Variants in DTNB observed in about 807,000 individuals in gnomAD.
DTNB encodes DTN-B.
In DTNB, 63 loss-of-function variants were observed where a neutral mutation model predicts 90.7. That is an observed-to-expected ratio of 0.69 (90% confidence interval 0.57 to 0.86). The LOEUF (loss-of-function observed/expected upper bound fraction) is 0.86, where lower values mean the gene tolerates loss of function less well. DTNB is among the 40% of genes least tolerant of loss of function. DTNB has a pLI of 0.00. For synonymous variants in DTNB, 277 were observed against 286.7 expected (o/e 0.97, Z 0.34); for missense variants, 744 against 807.1 (o/e 0.92, Z 0.95).
At chr2:25,584,539 T>TTAAC (rs1171705943) in intron 6 of DTNB, among the ~76,000 whole-genome samples, 4 of 151,936 alleles carry the variant, frequency 2.6e-5, no homozygotes, top group African/African-American at 4.8e-5. Flanking sequence ...AGTGACTTAG[T>TTAAC]TTTCTTTTAT....
intron 6 of DTNB, among the ~76,000 whole-genome samples, chr2:25,593,420 T>C (rs562437677): frequency 3.3e-5 from 5 of 152,358 alleles, no homozygotes; most frequent in East Asian, 3.8e-4. Flanking sequence ...AATTTAACTC[T>C]TGCAGCATGA....
At chr2:25,520,708 G>A (rs567079776) in intron 9 of DTNB, among the ~76,000 whole-genome samples, 10 of 152,204 alleles carry the variant, frequency 6.6e-5, no homozygotes, top group Admixed American at 2.6e-4. Context: ...ATTGTCTAAA[G>A]TTCAAAAAGA....
chr2:25,625,989 G>C (rs1341762760), intron 4 of DTNB, among the ~76,000 whole-genome samples: 1 of 152,102 alleles, frequency 6.6e-6, no homozygotes, highest in African/African-American at 2.4e-5. Context: ...CTAGGAGCCA[G>C]AAAGGAGGCC....
At chr2:25,529,480 A>T (rs997776192) in intron 9 of DTNB, among the ~76,000 whole-genome samples, 3 of 152,114 alleles carry the variant, frequency 2.0e-5, no homozygotes, top group African/African-American at 7.2e-5. Flanking sequence ...CACGACCCAA[A>T]AGGGAAAAAG....
chr2:25,555,448 A>G (rs1366647160), intron 8 of DTNB, among the ~76,000 whole-genome samples: 1 of 152,198 alleles, frequency 6.6e-6, no homozygotes, highest in Non-Finnish European at 1.5e-5. Context: ...CCAGAGGAAG[A>G]CAAATTAAAT....
chr2:25,668,035 C>T (rs770858637), intron 1 of DTNB, among the ~76,000 whole-genome samples: 5 of 152,048 alleles, frequency 3.3e-5, no homozygotes, highest in South Asian at 2.1e-4. Flanking sequence ...GTCAGGAGAT[C>T]GAGACCATCC....
At chr2:25,539,143 C>A (rs1363515249) in intron 8 of DTNB, among the ~76,000 whole-genome samples, 2 of 152,044 alleles carry the variant, frequency 1.3e-5, no homozygotes, top group African/African-American at 4.8e-5. Flanking sequence ...TTTATATATC[C>A]ATTCCACTGC....
intron 11 of DTNB, among the ~76,000 whole-genome samples, chr2:25,454,344 A>T (rs1417003184): frequency 6.6e-6 from 1 of 152,242 alleles, no homozygotes; most frequent in African/African-American, 2.4e-5. Flanking sequence ...TAGGGGAAGT[A>T]GCAGCAAGGT....
chr2:25,588,037 T>C (rs1374162161), intron 6 of DTNB, among the ~76,000 whole-genome samples: 2 of 152,230 alleles, frequency 1.3e-5, no homozygotes, highest in Non-Finnish European at 1.5e-5. Flanking sequence ...CTTTCATCTA[T>C]TCAGGGGAAC....
intron 4 of DTNB, among the ~76,000 whole-genome samples, chr2:25,627,342 G>A (rs1308144697): frequency 6.6e-6 from 1 of 152,022 alleles, no homozygotes; most frequent in Non-Finnish European, 1.5e-5. Flanking sequence ...AACCCGGGGG[G>A]TGGAGGTAGT....
At chr2:25,420,516 A>G (rs747298579) in intron 15 of DTNB, among the ~76,000 whole-genome samples, 11 of 84,010 alleles carry the variant, frequency 1.3e-4, no homozygotes, top group African/African-American at 3.2e-4. Flanking sequence ...CTATCTATCT[A>G]TCTATCTGTC....
At position 25,597,466 on chromosome 2, in the gene DTNB, G is replaced by A. The variant is rs776580933; in HGVS notation, c.449-1226C>T. Among the ~76,000 whole-genome samples, 3 of 151,910 alleles carry A rather than the reference G, an allele frequency of 2.0e-5. 1 individual carries two copies. Among genetic ancestry groups the A allele is most frequent in the South Asian group, 4.2e-4 (2 of 4,808 alleles). Reference sequence around the variant, plus strand: ...GCATTACTTTTTGGATTCAATTTTGGGGAATTTATACTGAAGCATCAGGTC... The same window carrying A: ...GCATTACTTTTTGGATTCAATTTTGAGGAATTTATACTGAAGCATCAGGTC... On this transcript the variant is annotated intron_variant, in intron 5 of 20. Coordinates refer to ENST00000406818, the MANE Select transcript of DTNB (RefSeq NM_021907.5).
At chr2:25,487,898 T>C (rs561294461) in intron 9 of DTNB, among the ~76,000 whole-genome samples, 2 of 152,284 alleles carry the variant, frequency 1.3e-5, no homozygotes, top group South Asian at 2.1e-4. Flanking sequence ...GAACTTTATA[T>C]TGCAGGCAGC....
rs1260164450 is a variant in DTNB, at chr2:25,576,988, C to T, written c.726G>A (p.Glu242=). 6.2e-7 allele frequency: 1 copy of T among 1,608,180 alleles called. No homozygotes were observed. The highest frequency in any genetic ancestry group is 8.5e-7 in the Non-Finnish European group (1 of 1,177,270). ...AHVENVFHPV[E]CSYCRCESMM... is the part of the protein sequence containing the mutation. ...TACTCTCACATCGGCAGTAGGAGCA[C>T]TCCACGGGATGGAAGACTTGTGGAC... Residue 242 remains glutamate, a synonymous_variant, in exon 8 of 21, where the codon GAG becomes GAA. Transcript: ENST00000406818.
intron 3 of DTNB, among the ~76,000 whole-genome samples, chr2:25,638,561 C>T (rs1006775618): frequency 6.6e-6 from 1 of 152,132 alleles, no homozygotes; most frequent in African/African-American, 2.4e-5. Flanking sequence ...TACATATATA[C>T]AGACACACAC....
chr2:25,590,504 T>C (rs763576210), intron 6 of DTNB, among the ~76,000 whole-genome samples: 28 of 151,922 alleles, frequency 1.8e-4, no homozygotes, highest in Non-Finnish European at 3.7e-4. Context: ...GTAGCTTCTC[T>C]CTGCAGCTGA....
At chr2:25,640,155 A>T (rs1473210727) in intron 2 of DTNB, among the ~76,000 whole-genome samples, 1 of 152,216 alleles carries the variant, frequency 6.6e-6, no homozygotes, top group Non-Finnish European at 1.5e-5. Flanking sequence ...AAAATTATAC[A>T]TGAGTCTATA....
intron 16 of DTNB, among the ~76,000 whole-genome samples, chr2:25,389,846 T>TTGTGTG (rs68107964): frequency 2.1e-3 from 200 of 96,116 alleles, no homozygotes; most frequent in African/African-American, 6.9e-3. Context: ...TTTGAATCAT[T>TTGTGTG]TGTGTGTGTG....
intron 8 of DTNB, among the ~76,000 whole-genome samples, chr2:25,554,964 G>C (rs1350563380): frequency 2.0e-5 from 3 of 152,100 alleles, no homozygotes; most frequent in African/African-American, 7.2e-5. Context: ...GATATGGAGA[G>C]CTTCAAATTT....
Sources: gnomAD v4.1 joint callset for allele counts (sites outside exome capture counted in the v4.1 genomes callset) on GRCh38, gnomAD v4.1.1 for gene constraint, MANE v1.5 for transcripts, NCBI Gene and HGNC (gene_info 2026-07-23, HGNC 2026-07-21) for gene names.